The following GFPT1 variants were observed in gnomAD, a reference collection of about 807,000 sequenced individuals.
GFPT1 encodes the protein glutamine--fructose-6-phosphate aminotransferase [isomerizing] 1.
GFPT1 carries 40 observed loss-of-function variants against 92.0 expected under a neutral mutation model. That is an observed-to-expected ratio of 0.43 (90% CI 0.34 to 0.57). GFPT1 has a LOEUF of 0.57. GFPT1 is among the 20% of genes least tolerant of loss of function. GFPT1 has a pLI of 0.02. For missense variants in GFPT1, 448 were observed against 869.1 expected, an observed-to-expected ratio of 0.52 and a Z score of 6.09; for synonymous variants, 269 against 280.6, an observed-to-expected ratio of 0.96 and a Z score of 0.41.
At chr2:69,329,655 A>G in intron 16 of GFPT1, 29 bp downstream of exon 16, 1 of 1,439,246 alleles carries the variant, frequency 6.9e-7, no homozygotes, top group Non-Finnish European at 9.8e-7. Flanking sequence ...CTTAGACAAC[A>G]AAAGTGTAAT....
intron 1 of GFPT1, among the ~76,000 whole-genome samples, chr2:69,375,665 AT>A (rs1671852778): frequency 6.6e-6 from 1 of 152,158 alleles, no homozygotes; most frequent in Admixed American, 6.6e-5. Context: ...TTACATTTTT[AT>A]TTTTTTAAGC....
intron 1 of GFPT1, among the ~76,000 whole-genome samples, chr2:69,377,837 T>A (rs1353415287): frequency 1.3e-5 from 2 of 152,156 alleles, no homozygotes; most frequent in African/African-American, 4.8e-5. Context: ...GGATACCGGG[T>A]TAACTGTAAT....
chr2:69,378,692 C>G (rs150942568), intron 1 of GFPT1, among the ~76,000 whole-genome samples: 1 of 152,170 alleles, frequency 6.6e-6, no homozygotes, highest in Non-Finnish European at 1.5e-5. Flanking sequence ...GAAAAGAAAA[C>G]TGACTCGTCA....
chr2:69,357,894 A>T (rs1406785429), intron 6 of GFPT1, among the ~76,000 whole-genome samples: 1 of 152,182 alleles, frequency 6.6e-6, no homozygotes, highest in Non-Finnish European at 1.5e-5. Context: ...CTCAGAGACA[A>T]GCAGGCATTA....
chr2:69,386,920 A>C (rs1672142581), intron 1 of GFPT1, 145 bp downstream of exon 1: 9 of 662,856 alleles, frequency 1.4e-5, no homozygotes, highest in Admixed American at 2.2e-5. Context: ...CCGCCCCCGC[A>C]GCCACCACTG....
chr2:69,321,272 G>A lies in GFPT1; in HGVS notation c.*4917C>T, dbSNP rs1435641545. Reference sequence around the variant, plus strand: ...TCTGTGGAGTTTGGTATCAGAAAGGGCAGAGCCTTTGTTTTATCTAACGAT... The same window carrying A: ...TCTGTGGAGTTTGGTATCAGAAAGGACAGAGCCTTTGTTTTATCTAACGAT... On this transcript the variant is annotated 3_prime_UTR_variant, in exon 20 of 20. Transcript: ENST00000357308. 1 of 152,314 alleles carries A rather than the reference G, an allele frequency of 6.6e-6. No individual in the cohort carries two copies. Among genetic ancestry groups the A allele is most frequent in the East Asian group, 1.9e-4 (1 of 5,184 alleles). 9.4% of individuals were successfully genotyped at this position (152,314 alleles called of 1,614,324 possible).
intron 9 of GFPT1, among the ~76,000 whole-genome samples, chr2:69,350,932 A>C (rs1671191065): frequency 1.3e-5 from 2 of 151,972 alleles, no homozygotes; most frequent in South Asian, 4.1e-4. Flanking sequence ...GAAAAAGAAA[A>C]TGAAGGCTAG....
At chr2:69,348,079 C>T (rs1671125605) in intron 11 of GFPT1, 92 bp downstream of exon 11, 3 of 993,498 alleles carry the variant, frequency 3.0e-6, no homozygotes, top group Non-Finnish European at 4.9e-6. Context: ...TTCCACTCAT[C>T]ATTCATTACT....
chr2:69,363,457 TTAAAA>T, intron 4 of GFPT1, 83 bp downstream of exon 4: 1 of 1,356,892 alleles, frequency 7.4e-7, no homozygotes, highest in South Asian at 1.2e-5. Context: ...TGAAAAATTA[TTAAAA>T]TAATGAAAAT....
chr2:69,382,685 G>T (rs932713428), intron 1 of GFPT1, among the ~76,000 whole-genome samples: 1 of 152,028 alleles, frequency 6.6e-6, no homozygotes, highest in African/African-American at 2.4e-5. Flanking sequence ...TCCTTCATCT[G>T]GTAGTAGTTC....
At chr2:69,368,636 G>A (rs2104676934) in intron 3 of GFPT1, among the ~76,000 whole-genome samples, 1 of 152,120 alleles carries the variant, frequency 6.6e-6, no homozygotes, top group East Asian at 1.9e-4. Flanking sequence ...GTCTGAAACA[G>A]GAGAATCGCT....
chr2:69,334,052 A>G (rs1169135389), intron 15 of GFPT1, among the ~76,000 whole-genome samples: 3 of 152,168 alleles, frequency 2.0e-5, no homozygotes, highest in Admixed American at 6.5e-5. Context: ...GCTACTTGAG[A>G]GGCTGAGGCA....
intron 3 of GFPT1, among the ~76,000 whole-genome samples, chr2:69,365,755 C>A (rs1156392719): frequency 6.6e-6 from 1 of 152,134 alleles, no homozygotes; most frequent in Non-Finnish European, 1.5e-5. Flanking sequence ...AAGAAAAATA[C>A]CATTTACCAT....
intron 8 of GFPT1, 87 bp from the exon 9 acceptor site, chr2:69,354,399 C>T: frequency 2.3e-6 from 3 of 1,281,348 alleles, no homozygotes; most frequent in Admixed American, 1.7e-5. Context: ...ACTATATATA[C>T]ATGTGCATCT....
intron 1 of GFPT1, among the ~76,000 whole-genome samples, chr2:69,380,293 G>C (rs1377124021): frequency 6.6e-6 from 1 of 152,152 alleles, no homozygotes; most frequent in Non-Finnish European, 1.5e-5. Context: ...AGTGGGCCGA[G>C]ATTGCGCCAC....
At position 69,344,656 on chromosome 2, in the gene GFPT1, A is replaced by ATT. The variant is rs111257221; in HGVS notation, c.1105+1246_1105+1247dup. On this transcript the variant is annotated intron_variant, in intron 12 of 19. Transcript: ENST00000357308. ...AATACAGATATAAGTACTCTTTTTT[A>ATT]TTTTTTTTTTTTGAGACAGGTCTTT... is the stretch of plus-strand genomic sequence containing the variant. Among the ~76,000 whole-genome samples the ATT allele has an allele frequency of 5.8e-3, 844 of 146,454 alleles. 3 individuals are homozygous for ATT. The highest frequency in any genetic ancestry group is 0.01 in the Admixed American group (148 of 14,650).
At chr2:69,344,933 A>G (rs1279167532) in intron 12 of GFPT1, among the ~76,000 whole-genome samples, 1 of 151,970 alleles carries the variant, frequency 6.6e-6, no homozygotes, top group Non-Finnish European at 1.5e-5. Flanking sequence ...GCACCCAGCC[A>G]AAAGTACTTT....
Position 69,383,095 on chromosome 2 carries a change from G to C in GFPT1, c.7+3970C>G, listed in dbSNP as rs76900387. Among the ~76,000 whole-genome samples the C allele has an allele frequency of 2.3e-3, 345 of 152,132 alleles. 1 individual carries two copies. The highest frequency in any genetic ancestry group is 7.9e-3 in the African/African-American group (328 of 41,508). ...CACTTTCTAGGCACCTGAAATATACGGTCAAAAAATTCTCAAACCACAGAA... is the reference window on the plus strand; with the variant it reads ...CACTTTCTAGGCACCTGAAATATACCGTCAAAAAATTCTCAAACCACAGAA... On this transcript the variant is annotated intron_variant, in intron 1 of 19. Coordinates refer to ENST00000357308, the MANE Select transcript of GFPT1 (RefSeq NM_001244710.2).
intron 1 of GFPT1, among the ~76,000 whole-genome samples, chr2:69,384,609 G>A (rs552252366): frequency 6.6e-5 from 10 of 150,718 alleles, no homozygotes; most frequent in Admixed American, 2.0e-4. Context: ...CTACTCGGGA[G>A]GTTGAACCCC....
Sources: gnomAD v4.1 joint callset for allele counts (sites outside exome capture counted in the v4.1 genomes callset) on GRCh38, gnomAD v4.1.1 for gene constraint, MANE v1.5 for transcripts, NCBI Gene and HGNC (gene_info 2026-07-23, HGNC 2026-07-21) for gene names.